Variants in CD163L1 observed in about 807,000 individuals in gnomAD.
CD163L1 encodes scavenger receptor cysteine-rich type 1 protein M160.
Under a neutral mutation model 165.4 loss-of-function variants are expected in CD163L1, and 124 were observed. That is an observed-to-expected ratio of 0.75 (90% confidence interval 0.65 to 0.87). The LOEUF (loss-of-function observed/expected upper bound fraction) is 0.87, where lower values mean the gene tolerates loss of function less well. Among genes scored for constraint, CD163L1 ranks in the 40% least tolerant of loss-of-function variants. The pLI is 0.00. For synonymous variants in CD163L1, 585 were observed against 662.2 expected (o/e 0.88, Z 1.79); for missense variants, 1,525 against 1,799.9 (o/e 0.85, Z 2.76).
chr12:7,420,105 G>A (rs1948320129), intron 4 of CD163L1, among the ~76,000 whole-genome samples: 1 of 152,048 alleles, frequency 6.6e-6, no homozygotes, highest in Non-Finnish European at 1.5e-5. Context: ...ATAAAGTGGG[G>A]AAAGGACACC....
Position 7,376,801 on chromosome 12 carries a change from T to C in CD163L1, c.2372-787A>G, listed in dbSNP as rs748675272. On this transcript the variant is annotated intron_variant, in intron 9 of 19. Transcript: ENST00000313599. ...TTCTCACCCCTTCAACCCTAGCGCC[T>C]TGATTGAGCCACCATCATTACTTGC... Among the ~76,000 whole-genome samples the C allele has an allele frequency of 8.5e-5, 13 of 152,306 alleles. 1 individual carries two copies. In the East Asian group the frequency reaches 2.5e-3, roughly 29 times the overall value.
Position 7,369,781 on chromosome 12 carries a change from A to G in CD163L1, c.3731-116T>C. ...TTGATGAATATGGGTGTGGTAAGGA[A>G]GGCAGAATTTCAATGTTACATAGAT... On this transcript the variant is annotated intron_variant, in intron 14 of 19. Transcript: ENST00000313599. This position sits in a 1 kb window ranked among gnomAD's most constrained non-coding sequence, Gnocchi z 4.9. The G allele has an allele frequency of 1.2e-6, 1 of 859,454 alleles. No individual in the cohort carries two copies. Among genetic ancestry groups the G allele is most frequent in the Non-Finnish European group, 1.8e-6 (1 of 549,710 alleles). The allele number at this position is 859,454 out of a possible 1,614,324, so 53.2% of individuals were successfully genotyped here. A position where few individuals can be genotyped will look rare whatever the true frequency, so the allele number is the denominator to read the frequency against.
At chr12:7,328,970 A>G in the CD163L1 span, among the ~76,000 whole-genome samples, 1 of 148,794 alleles carries the variant, frequency 6.7e-6, no homozygotes, top group Non-Finnish European at 1.5e-5. Context: ...ATCTAGATAC[A>G]TATATACATA....
chr12:7,328,442 C>T, the CD163L1 span: 4 of 1,188,972 alleles, frequency 3.4e-6, no homozygotes, highest in African/African-American at 3.2e-5. Context: ...TCCGATAATT[C>T]AGCGACTACT....
chr12:7,363,083 C>T (rs1946940069), intron 18 of CD163L1, among the ~76,000 whole-genome samples: 1 of 151,576 alleles, frequency 6.6e-6, no homozygotes, highest in Admixed American at 6.6e-5. Context: ...GCAGTAAACA[C>T]CCATATCAAA....
chr12:7,320,998 T>TGTGA, the CD163L1 span, among the ~76,000 whole-genome samples: 3 of 152,200 alleles, frequency 2.0e-5, no homozygotes, highest in African/African-American at 7.2e-5. Context: ...AAGACTCTAT[T>TGTGA]AGACGCCAGT....
intron 4 of CD163L1, among the ~76,000 whole-genome samples, chr12:7,420,796 T>G (rs1281100650): frequency 6.6e-6 from 1 of 151,756 alleles, no homozygotes; most frequent in Non-Finnish European, 1.5e-5. Context: ...GGAAATTCCT[T>G]AAAGAACTAA....
In CD163L1 at chr12:7,398,668, T is replaced by G; in HGVS notation, c.1409-84A>C. The G allele has an allele frequency of 8.4e-7, 1 of 1,196,014 alleles. No homozygotes were observed. Among genetic ancestry groups the G allele is most frequent in the Non-Finnish European group, 1.1e-6 (1 of 874,196 alleles). 74.1% of individuals were successfully genotyped at this position (1,196,014 alleles called of 1,614,324 possible). ...TGAAAAGACTCTCTAAATTCACGAC[T>G]ATAAGGCTTTGCCTAACAGGTGATA... On this transcript the variant is annotated intron_variant, in intron 6 of 19. Transcript: ENST00000313599. The surrounding 1 kb of genome is among the most constrained non-coding windows in gnomAD (Gnocchi z 4.5).
chr12:7,343,671 C>G (rs1305130627), downstream of CD163L1, among the ~76,000 whole-genome samples: 2 of 152,144 alleles, frequency 1.3e-5, no homozygotes, highest in Admixed American at 1.3e-4. Context: ...GGATATATCC[C>G]CATGACCCAA....
chr12:7,324,220 A>C, the CD163L1 span: 2 of 1,598,128 alleles, frequency 1.3e-6, no homozygotes, highest in African/African-American at 2.7e-5. Context: ...TGAGTGCCAT[A>C]CCCATCTCTG....
At chr12:7,361,888 A>G (rs1334477423) in intron 18 of CD163L1, among the ~76,000 whole-genome samples, 1 of 151,956 alleles carries the variant, frequency 6.6e-6, no homozygotes, top group Admixed American at 6.6e-5. Context: ...ATGAAACTCT[A>G]TACTAATTAA....
At chr12:7,386,029 A>C (rs1228176910) in intron 8 of CD163L1, among the ~76,000 whole-genome samples, 7 of 152,090 alleles carry the variant, frequency 4.6e-5, no homozygotes, top group Non-Finnish European at 7.4e-5. Flanking sequence ...ATAGAGCCTA[A>C]AAGCCAGTAC....
At chr12:7,367,685 G>T (rs905480776) in intron 17 of CD163L1, 9 of 227,044 alleles carry the variant, frequency 4.0e-5, no homozygotes, top group Non-Finnish European at 6.1e-5. Flanking sequence ...TCTAGCCAAA[G>T]GCCACACAGC....
At chr12:7,382,815 C>T (rs1032719541) in intron 8 of CD163L1, among the ~76,000 whole-genome samples, 1 of 152,192 alleles carries the variant, frequency 6.6e-6, no homozygotes, top group African/African-American at 2.4e-5. Flanking sequence ...TACATCTCTA[C>T]ATGTCTAGAG....
chr12:7,434,581 A>G (rs1948689470), intron 2 of CD163L1, among the ~76,000 whole-genome samples: 1 of 152,036 alleles, frequency 6.6e-6, no homozygotes, highest in African/African-American at 2.4e-5. Context: ...TTCTGTGCAT[A>G]TGATGATGAT....
At chr12:7,394,310 T>C (rs1026072762) in intron 8 of CD163L1, among the ~76,000 whole-genome samples, 8 of 152,122 alleles carry the variant, frequency 5.3e-5, no homozygotes, top group African/African-American at 1.9e-4. Flanking sequence ...CTATCTGATC[T>C]TTGACAAACC....
At chr12:7,394,472 C>A (rs1056761790) in intron 8 of CD163L1, among the ~76,000 whole-genome samples, 1 of 152,148 alleles carries the variant, frequency 6.6e-6, no homozygotes, top group Non-Finnish European at 1.5e-5. Context: ...CAATGTTAGA[C>A]CTAAAAGCAT....
the CD163L1 span, chr12:7,324,638 T>G: frequency 6.3e-7 from 1 of 1,599,506 alleles, no homozygotes; most frequent in Admixed American, 1.7e-5. Context: ...ACATCATATT[T>G]TCAAGTTCTG....
At chr12:7,389,109 G>T (rs989961948) in intron 8 of CD163L1, among the ~76,000 whole-genome samples, 47 of 152,176 alleles carry the variant, frequency 3.1e-4, no homozygotes, top group African/African-American at 1.1e-3. Flanking sequence ...TCCTTTTTGG[G>T]GGTATATACC....
Sources: allele counts gnomAD v4.1 joint callset (sites outside exome capture counted in the v4.1 genomes callset), GRCh38; gene constraint gnomAD v4.1.1; non-coding constraint Gnocchi (gnomAD v3.1); transcripts MANE v1.5; gene names NCBI Gene and HGNC (gene_info 2026-07-23, HGNC 2026-07-21).